NCAM2: variants seen among roughly 807,000 people sequenced by gnomAD.
NCAM2 encodes the protein N-CAM-2.
A neutral mutation model predicts 98.1 loss-of-function variants in NCAM2; 30 were observed. The ratio of observed to expected loss-of-function variants is 0.31; its 90% CI spans 0.23 to 0.41. The LOEUF (loss-of-function observed/expected upper bound fraction) is 0.41. Ranked by LOEUF, NCAM2 falls within the 10% of genes least tolerant of loss-of-function variation. The pLI is 1.00. For missense variants in NCAM2, 867 were observed against 1,005.8 expected (o/e 0.86, Z 1.87); for synonymous variants, 368 against 342.4 (o/e 1.07, Z -0.83).
At chr21:21,266,659 G>A (rs536959163) in intron 1 of NCAM2, among the ~76,000 whole-genome samples, 2 of 152,076 alleles carry the variant, frequency 1.3e-5, no homozygotes, top group South Asian at 2.1e-4. Flanking sequence ...CTCATAGGTG[G>A]GAATTGAACA....
rs1453813718 is a variant in NCAM2 at position 21,533,122 on chromosome 21, A to T, written c.2283-1415A>T. 4.5e-5 allele frequency among the ~76,000 whole-genome samples: 6 copies of T among 133,136 alleles called. No individual in the cohort carries two copies. In the East Asian group the frequency reaches 1.1e-3, roughly 24 times the overall value. 87.3% of individuals were successfully genotyped at this position (133,136 alleles called of 152,430 possible). Reference sequence around the variant, plus strand: ...TCTATATAAGTCTCAGCATTTGTAGAGTCTGTTCAATCTTTGGACCATTGT... The same window carrying T: ...TCTATATAAGTCTCAGCATTTGTAGTGTCTGTTCAATCTTTGGACCATTGT... On this transcript the variant is annotated intron_variant, in intron 16 of 17. Transcript: ENST00000400546.
chr21:21,206,084 AT>A (rs1420051283), intron 1 of NCAM2, among the ~76,000 whole-genome samples: 2 of 152,110 alleles, frequency 1.3e-5, no homozygotes, highest in Admixed American at 1.3e-4. Flanking sequence ...CTCTTCTAAA[AT>A]ATGTACTGTG....
At chr21:21,196,545 G>T (rs183033676) in intron 1 of NCAM2, among the ~76,000 whole-genome samples, 59 of 152,220 alleles carry the variant, frequency 3.9e-4, no homozygotes, top group African/African-American at 1.3e-3. Context: ...AAGATGTATG[G>T]ATCTCATCCA....
At chr21:21,471,336 T>A (rs1488546460) in intron 14 of NCAM2, among the ~76,000 whole-genome samples, 1 of 152,034 alleles carries the variant, frequency 6.6e-6, no homozygotes, top group Non-Finnish European at 1.5e-5. Flanking sequence ...CAATTGGAGA[T>A]ACCATGATTG....
rs138941447 is a variant in NCAM2, at chr21:21,514,273, C to T, written c.2282+5218C>T. 8.6e-3 allele frequency among the ~76,000 whole-genome samples: 1,299 copies of T among 150,916 alleles called. 9 individuals are homozygous for T. The highest frequency in any genetic ancestry group is 0.019 in the South Asian group (93 of 4,790). ...GGTGGATCACCTGAGGTCAGGAGTTCGAAACCAGCCTGGACAACATGGCGA... is the reference window on the plus strand; with the variant it reads ...GGTGGATCACCTGAGGTCAGGAGTTTGAAACCAGCCTGGACAACATGGCGA... On this transcript the variant is annotated intron_variant, in intron 16 of 17. Transcript: ENST00000400546.
At chr21:21,017,898 G>A (rs966450202) in intron 1 of NCAM2, among the ~76,000 whole-genome samples, 4 of 152,060 alleles carry the variant, frequency 2.6e-5, no homozygotes, top group African/African-American at 9.7e-5. Context: ...TACACATACA[G>A]ATATTACATA....
At chr21:21,067,439 C>T (rs1411329479) in intron 1 of NCAM2, among the ~76,000 whole-genome samples, 1 of 152,014 alleles carries the variant, frequency 6.6e-6, no homozygotes, top group South Asian at 2.1e-4. Flanking sequence ...GATCTTAAAA[C>T]ATGGGCTACC....
chr21:21,190,510 T>G lies in NCAM2; in HGVS notation c.56-90068T>G, dbSNP rs924764063. Among the ~76,000 whole-genome samples the G allele has an allele frequency of 3.3e-5, 5 of 152,344 alleles. No homozygotes were observed. The South Asian group carries it at 6.2e-4, about 19-fold the overall frequency. On this transcript the variant is annotated intron_variant, in intron 1 of 17. Transcript: ENST00000400546. ...TGCTCTTCTGGTTCGACTCTGAGTC[T>G]TCTTCTTCAGTGTTCTGGTTATTTA... is the stretch of plus-strand genomic sequence containing the variant.
intron 5 of NCAM2, among the ~76,000 whole-genome samples, chr21:21,300,934 A>C (rs1260127889): frequency 6.6e-6 from 1 of 152,012 alleles, no homozygotes; most frequent in Admixed American, 6.6e-5. Context: ...ATCTGCATAG[A>C]TTTAAAATTT....
intron 11 of NCAM2, among the ~76,000 whole-genome samples, chr21:21,428,139 TAAAC>T (rs1210341235): frequency 2.0e-5 from 3 of 152,204 alleles, no homozygotes; most frequent in African/African-American, 7.2e-5. Context: ...AAAGGGTAAT[TAAAC>T]AAATAAGTAT....
Position 21,432,484 on chromosome 21 carries a change from TTAG to T in NCAM2, c.1654+207_1654+209del, listed in dbSNP as rs549173774. ...CCATCTTCAGTAAAAATGAAAGAGC[TTAG>T]TAGAATCAGCAGAGTTCAATTCTGG... On this transcript the variant is annotated intron_variant, in intron 12 of 17. Transcript: ENST00000400546. 1.0e-3 allele frequency among the ~76,000 whole-genome samples: 154 copies of T among 151,644 alleles called. 1 individual carries two copies. Among genetic ancestry groups the T allele is most frequent in the Non-Finnish European group, 1.8e-3 (121 of 67,968 alleles).
intron 5 of NCAM2, among the ~76,000 whole-genome samples, chr21:21,293,973 C>A (rs151071054): frequency 6.6e-6 from 1 of 151,344 alleles, no homozygotes; most frequent in South Asian, 2.1e-4. Flanking sequence ...CATATAATTA[C>A]ACTAAAATAT....
chr21:21,025,792 G>T (rs1177466297), intron 1 of NCAM2, among the ~76,000 whole-genome samples: 1 of 152,202 alleles, frequency 6.6e-6, no homozygotes, highest in African/African-American at 2.4e-5. Flanking sequence ...ATACATACTG[G>T]AGCTGTGAGC....
At chr21:21,041,496 A>C (rs1302876718) in intron 1 of NCAM2, among the ~76,000 whole-genome samples, 1 of 152,202 alleles carries the variant, frequency 6.6e-6, no homozygotes, top group Admixed American at 6.5e-5. Context: ...GAATTAGGTG[A>C]GGAGTCTTTA....
chr21:21,025,599 AT>A, intron 1 of NCAM2, among the ~76,000 whole-genome samples: 1 of 142,220 alleles, frequency 7.0e-6, no homozygotes, highest in South Asian at 2.4e-4. Flanking sequence ...AAACCACTAT[AT>A]TTTTTTGTGT....
intron 1 of NCAM2, among the ~76,000 whole-genome samples, chr21:21,010,285 A>T (rs984396596): frequency 6.6e-6 from 1 of 151,846 alleles, no homozygotes; most frequent in African/African-American, 2.4e-5. Context: ...GCAATTTAAG[A>T]ACAAAACTTA....
At chr21:21,021,235 AGG>A (rs1020335797) in intron 1 of NCAM2, among the ~76,000 whole-genome samples, 1 of 152,082 alleles carries the variant, frequency 6.6e-6, no homozygotes, top group African/African-American at 2.4e-5. Flanking sequence ...TGATATTTAA[AGG>A]GGTCCTTATT....
chr21:21,467,470 A>G (rs1983869554), intron 13 of NCAM2, among the ~76,000 whole-genome samples: 1 of 147,750 alleles, frequency 6.8e-6, no homozygotes, highest in African/African-American at 2.5e-5. Flanking sequence ...TGGCTGCAAT[A>G]TATTATCTTA....
intron 16 of NCAM2, among the ~76,000 whole-genome samples, chr21:21,510,768 T>C (rs1383704268): frequency 6.6e-6 from 1 of 152,068 alleles, no homozygotes; most frequent in Admixed American, 6.6e-5. Flanking sequence ...TTGCTAATTG[T>C]TTTAACATTT....
Sources: allele counts gnomAD v4.1 joint callset (sites outside exome capture counted in the v4.1 genomes callset), GRCh38; gene constraint gnomAD v4.1.1; transcripts MANE v1.5; gene names NCBI Gene and HGNC (gene_info 2026-07-23, HGNC 2026-07-21).